Variants in TOX4 observed in about 807,000 individuals in gnomAD.
TOX4 encodes the protein TOX high mobility group box family member 4.
TOX4 carries 12 observed loss-of-function variants against 61.0 expected under a neutral mutation model. The observed-to-expected ratio is 0.20, with a 90% confidence interval of 0.13 to 0.32. The LOEUF (loss-of-function observed/expected upper bound fraction) is 0.32. Ranked by LOEUF, TOX4 falls within the 10% of genes least tolerant of loss-of-function variation. The pLI, the probability that TOX4 is intolerant of heterozygous loss-of-function variation, is 1.00. For missense variants in TOX4, 499 were observed against 753.3 expected (o/e 0.66, Z 3.95); for synonymous variants, 268 against 274.8 (o/e 0.98, Z 0.24).
In TOX4 at chr14:21,496,815, A is replaced by G; in HGVS notation, c.*209A>G. 4 of 534,406 alleles carry G rather than the reference A, an allele frequency of 7.5e-6. No homozygotes were observed. The South Asian group carries it at 8.7e-5, about 12-fold the overall frequency. 33.1% of individuals were successfully genotyped at this position (534,406 alleles called of 1,614,324 possible). ...TAATCTGGAGATGCTTTTTACTTTC[A>G]ACCATAAGCGGTAATAGCAGAGGAA... On this transcript the variant is annotated 3_prime_UTR_variant, in exon 9 of 9. Coordinates refer to ENST00000448790, the MANE Select transcript of TOX4 (RefSeq NM_014828.4).
chr14:21,481,803 A>G (rs1255575162), intron 2 of TOX4, among the ~76,000 whole-genome samples: 1 of 152,246 alleles, frequency 6.6e-6, no homozygotes, highest in Non-Finnish European at 1.5e-5. Context: ...TGTTGAGTAG[A>G]AAAAGACAGA....
intron 2 of TOX4, among the ~76,000 whole-genome samples, chr14:21,486,494 A>G (rs1891192020): frequency 5.3e-5 from 2 of 38,050 alleles, no homozygotes; most frequent in African/African-American, 1.0e-4. Flanking sequence ...TAAGGGGATT[A>G]CCATTATAAT....
At chr14:21,485,312 G>A (rs1175646015) in intron 2 of TOX4, among the ~76,000 whole-genome samples, 1 of 106,282 alleles carries the variant, frequency 9.4e-6, no homozygotes, top group Non-Finnish European at 2.1e-5. Flanking sequence ...CTACTAGGGA[G>A]GCTGAGGCAG....
In TOX4 at chr14:21,496,539, C is replaced by T. The variant is rs1293079930; in HGVS notation, c.1806-7C>T. On this transcript the variant is annotated splice_polypyrimidine_tract_variant and splice_region_variant and intron_variant, in intron 8 of 8. Transcript: ENST00000448790. The stretch of plus-strand genomic sequence containing the variant: ...ATTCTGTTTGTGTATGTCTTTTTCT[C>T]TCTTAGGGATGTATTCTTGGCCTGG... The T allele has an allele frequency of 1.9e-6, 3 of 1,610,848 alleles. No individual in the cohort carries two copies. The highest frequency in any genetic ancestry group is 1.1e-5 in the South Asian group (1 of 90,960).
intron 2 of TOX4, 99 bp from the exon 3 acceptor site, chr14:21,487,352 G>A: frequency 2.0e-6 from 3 of 1,468,294 alleles, no homozygotes; most frequent in Non-Finnish European, 2.8e-6. Context: ...CAGAAAAAAT[G>A]CATCCTGAGA....
chr14:21,496,765 T>C lies in TOX4; in HGVS notation c.*159T>C. 1.6e-6 allele frequency: 1 copy of C among 627,022 alleles called. No individual in the cohort carries two copies. The highest frequency in any genetic ancestry group is 2.8e-5 in the East Asian group (1 of 35,518). 38.8% of individuals were successfully genotyped at this position (627,022 alleles called of 1,614,324 possible). On this transcript the variant is annotated 3_prime_UTR_variant, in exon 9 of 9. Transcript: ENST00000448790. ...TCTTCCTTCAGCAGAGGCCAGGCTA[T>C]GGAGCAGGGCCACTGAATTTGCTGT...
In TOX4 at chr14:21,496,884, G is replaced by A; in HGVS notation, c.*278G>A. 1 of 343,876 alleles carries A rather than the reference G, an allele frequency of 2.9e-6. No homozygotes were observed. Among genetic ancestry groups the A allele is most frequent in the South Asian group, 4.3e-5 (1 of 23,120 alleles). 21.3% of individuals were successfully genotyped at this position (343,876 alleles called of 1,614,324 possible). A position where few individuals can be genotyped will look rare whatever the true frequency, so the allele number is the denominator to read the frequency against. The stretch of plus-strand genomic sequence containing the variant: ...GCAAGCAAAGCATAGAGATGGTGGG[G>A]TGGTGGTGGGGTTGAAGAAACTTGT... On this transcript the variant is annotated 3_prime_UTR_variant, in exon 9 of 9. Transcript: ENST00000448790.
rs144160065 is a variant in TOX4, at chr14:21,498,546, A to C, written c.*1940A>C. 85 of 636,274 alleles carry C rather than the reference A, an allele frequency of 1.3e-4. No homozygotes were observed. The East Asian group carries it at 2.0e-3, about 15-fold the overall frequency. 39.4% of individuals were successfully genotyped at this position (636,274 alleles called of 1,614,324 possible). A position where few individuals can be genotyped will look rare whatever the true frequency, so the allele number is the denominator to read the frequency against. On this transcript the variant is annotated 3_prime_UTR_variant, in exon 9 of 9. Coordinates refer to ENST00000448790, the MANE Select transcript of TOX4 (RefSeq NM_014828.4). ...AATTACTAGTTCAGAATTGGCATAG[A>C]TTCTGGTGTTAAAATAGACTGGATC...
In TOX4 at chr14:21,498,390, G is replaced by A. The variant is rs1307904221; in HGVS notation, c.*1784G>A. The stretch of plus-strand genomic sequence containing the variant: ...TGATCCTGAAACAGTGTAAAAGGAG[G>A]GGCAAACCAGAAATCCTGGAATTAG... On this transcript the variant is annotated 3_prime_UTR_variant, in exon 9 of 9. Coordinates refer to ENST00000448790, the MANE Select transcript of TOX4 (RefSeq NM_014828.4). 1 of 1,611,868 alleles carries A rather than the reference G, an allele frequency of 6.2e-7. No individual in the cohort carries two copies. The highest frequency in any genetic ancestry group is 8.5e-7 in the Non-Finnish European group (1 of 1,179,054).
intron 2 of TOX4, among the ~76,000 whole-genome samples, chr14:21,480,113 G>A (rs1364560398): frequency 6.6e-6 from 1 of 152,156 alleles, no homozygotes. Flanking sequence ...TATTGTAGGT[G>A]TGAGCCACCA....
intron 5 of TOX4, among the ~76,000 whole-genome samples, chr14:21,491,083 C>T (rs974135420): frequency 6.6e-6 from 1 of 152,258 alleles, no homozygotes; most frequent in African/African-American, 2.4e-5. Flanking sequence ...CCTTGTCCTC[C>T]CAACGTGCTG....
chr14:21,498,157 G>T lies in TOX4; in HGVS notation c.*1551G>T. 1 of 731,120 alleles carries T rather than the reference G, an allele frequency of 1.4e-6. No homozygotes were observed. Among genetic ancestry groups the T allele is most frequent in the Non-Finnish European group, 2.3e-6 (1 of 428,184 alleles). 45.3% of individuals were successfully genotyped at this position (731,120 alleles called of 1,614,324 possible). ...TCAGAATCCCAACTACAATACAAAT[G>T]TTTATTTAAATAAAGAAGAAAGCTA... On this transcript the variant is annotated 3_prime_UTR_variant, in exon 9 of 9. Transcript: ENST00000448790.
chr14:21,493,248 A>C lies in TOX4; in HGVS notation c.1632A>C (p.Val544=), dbSNP rs2139630412. 1.9e-6 allele frequency: 3 copies of C among 1,608,560 alleles called. 1 individual carries two copies. In the South Asian group the frequency reaches 3.3e-5, roughly 18 times the overall value. The part of the protein sequence containing the change: ...PETICEMITD[V]VPEVESPSQM... ...CTATCTGTGAGATGATCACAGATGTAGTTCCTGAGGTGAGCCTTTGTTTTT... is the reference window on the plus strand; with the variant it reads ...CTATCTGTGAGATGATCACAGATGTCGTTCCTGAGGTGAGCCTTTGTTTTT... Residue 544 remains valine, a synonymous_variant, in exon 7 of 9, where the codon GTA becomes GTC. Transcript: ENST00000448790.
Position 21,493,278 on chromosome 14 carries a change from C to G in TOX4, c.1641+21C>G, listed in dbSNP as rs555385632. The G allele has an allele frequency of 3.2e-6, 5 of 1,578,378 alleles. No homozygotes were observed. In the African/African-American group the frequency reaches 6.8e-5, roughly 22 times the overall value. Reference sequence around the variant, plus strand: ...CTGAGGTGAGCCTTTGTTTTTAAGTCTTTAGTCTAGTGGAAATGTATAAAA... The same window carrying G: ...CTGAGGTGAGCCTTTGTTTTTAAGTGTTTAGTCTAGTGGAAATGTATAAAA... On this transcript the variant is annotated intron_variant, in intron 7 of 8. Coordinates refer to ENST00000448790, the MANE Select transcript of TOX4 (RefSeq NM_014828.4).
intron 1 of TOX4, 51 bp downstream of exon 1, chr14:21,477,335 T>G: frequency 1.2e-6 from 2 of 1,613,706 alleles, no homozygotes; most frequent in South Asian, 2.2e-5. Flanking sequence ...GCCGACCGGG[T>G]TGAAGCAGGG....
chr14:21,477,715 C>T, intron 2 of TOX4, 151 bp downstream of exon 2: 2 of 758,264 alleles, frequency 2.6e-6, no homozygotes, highest in South Asian at 3.4e-5. Context: ...CTTCTAGAGC[C>T]TGTGGGGACT....
At chr14:21,484,329 CTTTTTTTTTTTTTTTTTTTTTTTTT>C (rs533570141) in intron 2 of TOX4, among the ~76,000 whole-genome samples, 4 of 44,234 alleles carry the variant, frequency 9.0e-5, no homozygotes, top group South Asian at 1.2e-3. Context: ...CTAGCAATGT[CTTTTTTTTTTTTTTTTTTTTTTTTT>C]TTTTTTTTTT....
In TOX4 at chr14:21,498,249, G is replaced by C. The variant is rs1325476137; in HGVS notation, c.*1643G>C. 1.4e-6 allele frequency: 2 copies of C among 1,479,828 alleles called. No homozygotes were observed. Among genetic ancestry groups the C allele is most frequent in the Non-Finnish European group, 1.9e-6 (2 of 1,057,658 alleles). The allele number at this position is 1,479,828 out of a possible 1,614,324, so 91.7% of individuals were successfully genotyped here. ...GGCTATGGATTCTTAGCTCTGTAAGGAAGTGCTTCTATAAATTCTTAGGTT... is the reference window on the plus strand; with the variant it reads ...GGCTATGGATTCTTAGCTCTGTAAGCAAGTGCTTCTATAAATTCTTAGGTT... On this transcript the variant is annotated 3_prime_UTR_variant, in exon 9 of 9. Transcript: ENST00000448790.
At chr14:21,481,273 C>A (rs989776794) in intron 2 of TOX4, among the ~76,000 whole-genome samples, 1 of 152,042 alleles carries the variant, frequency 6.6e-6, no homozygotes, top group African/African-American at 2.4e-5. Flanking sequence ...CCACCTCTCA[C>A]GTTCAAGCAA....
Sources: allele counts gnomAD v4.1 joint callset (sites outside exome capture counted in the v4.1 genomes callset), GRCh38; gene constraint gnomAD v4.1.1; transcripts MANE v1.5; gene names NCBI Gene and HGNC (gene_info 2026-07-23, HGNC 2026-07-21).